The following HMX1 variants were observed in gnomAD, a reference collection of about 807,000 sequenced individuals.
HMX1 encodes the protein H6 family homeobox 1.
A neutral mutation model predicts 8.9 loss-of-function variants in HMX1; 8 were observed. The observed-to-expected ratio is 0.90, with a 90% CI of 0.53 to 1.63. The LOEUF is 1.63. Among genes scored for constraint, HMX1 ranks in the 40% most tolerant of loss-of-function variants. HMX1 has a pLI of 0.00. For missense variants in HMX1, 621 were observed against 558.5 expected (o/e 1.11, Z -1.13); for synonymous variants, 311 against 283.4 (o/e 1.10, Z -0.98).
intron 1 of HMX1, among the ~76,000 whole-genome samples, chr4:8,857,773 C>T (rs916101374): frequency 2.6e-5 from 4 of 152,160 alleles, no homozygotes; most frequent in Admixed American, 6.5e-5. Flanking sequence ...ACTCGAGGTC[C>T]TTGAGGATCC....
Position 8,868,415 on chromosome 4 carries a change from C to T in HMX1, c.395-70G>A, listed in dbSNP as rs1012547787. The T allele has an allele frequency of 1.0e-5, 12 of 1,164,492 alleles. No homozygotes were observed. The highest frequency in any genetic ancestry group is 8.6e-5 in the Admixed American group (2 of 23,322). 72.1% of individuals were successfully genotyped at this position (1,164,492 alleles called of 1,614,324 possible). ...TACCAGACTCAATCACTGAGGCCAG[C>T]CGTCCCCACCTTGAGGTCGCTCACA... On this transcript the variant is annotated intron_variant, in intron 1 of 1. Transcript: ENST00000400677. This position sits in a 1 kb window ranked among gnomAD's most constrained non-coding sequence, Gnocchi z 4.6.
Position 8,871,452 on chromosome 4 carries a change from C to A in HMX1, c.163G>T (p.Glu55Ter). 1.5e-6 allele frequency: 2 copies of A among 1,339,924 alleles called. No homozygotes were observed. The highest frequency in any genetic ancestry group is 1.5e-5 in the South Asian group (1 of 64,636). The allele number at this position is 1,339,924 out of a possible 1,614,324, so 83.0% of individuals were successfully genotyped here. A position where few individuals can be genotyped will look rare whatever the true frequency, so the allele number is the denominator to read the frequency against. ...CGCCGCCGCGCCTGCTCGGCGTCCT[C>A]GTCTTCGGGGTCGTCGTCGTCCTCC... ...EEEDDDDPED[E>*]DAEQARRRRL... The change falls in exon 1 of 2, where the codon GAG (glutamate) becomes TAG (stop). Residue 55 changes from glutamate to a stop codon, truncating the protein, a stop_gained. Transcript: ENST00000400677. LOFTEE classifies it high-confidence loss of function. The surrounding 1 kb of genome is among the most constrained non-coding windows in gnomAD (Gnocchi z 4.8).
chr4:8,871,443 C>A lies in HMX1; in HGVS notation c.172G>T (p.Glu58Ter). The A allele has an allele frequency of 7.5e-7, 1 of 1,331,196 alleles. No individual in the cohort carries two copies. The highest frequency in any genetic ancestry group is 9.7e-7 in the Non-Finnish European group (1 of 1,027,642). 82.5% of individuals were successfully genotyped at this position (1,331,196 alleles called of 1,614,324 possible). Residue 58 changes from glutamate (E) to a stop codon, truncating the protein, a stop_gained, in exon 1 of 2, where the codon GAG (glutamate) becomes TAG (stop). Transcript: ENST00000400677. LOFTEE classifies it high-confidence loss of function. This position sits in a 1 kb window ranked among gnomAD's most constrained non-coding sequence, Gnocchi z 4.8. ...TGTAGCCGTCGCCGCCGCGCCTGCT[C>A]GGCGTCCTCGTCTTCGGGGTCGTCG... ...DDDDPEDEDA[E>*]QARRRRLQRR... is the part of the protein sequence containing the mutation.
chr4:8,865,645 C>T (rs1307515237), downstream of HMX1, among the ~76,000 whole-genome samples: 3 of 152,066 alleles, frequency 2.0e-5, no homozygotes, highest in Non-Finnish European at 2.9e-5. Context: ...TCTAGAGGGC[C>T]CAGTGGGGAG....
In HMX1 at chr4:8,871,712, C is replaced by T. The variant is rs921420619; in HGVS notation, c.-98G>A. The T allele has an allele frequency of 6.0e-5, 65 of 1,088,796 alleles. No homozygotes were observed. Among genetic ancestry groups the T allele is most frequent in the African/African-American group, 5.9e-4 (35 of 59,280 alleles). The allele number at this position is 1,088,796 out of a possible 1,614,324, so 67.4% of individuals were successfully genotyped here. ...GCGCACGCGCGGGCCGGCCCTGGAG[C>T]TGCTACCCGGACCGCTGGCGTCGGG... On this transcript the variant is annotated 5_prime_UTR_variant, in exon 1 of 2. Transcript: ENST00000400677. This position sits in a 1 kb window ranked among gnomAD's most constrained non-coding sequence, Gnocchi z 4.8.
At chr4:8,851,961 A>G (rs1042411824) in intron 1 of HMX1, among the ~76,000 whole-genome samples, 1 of 152,190 alleles carries the variant, frequency 6.6e-6, no homozygotes, top group Non-Finnish European at 1.5e-5. Flanking sequence ...GTCCTGTGTC[A>G]AGGAGGCACC....
downstream of HMX1, among the ~76,000 whole-genome samples, chr4:8,863,630 C>T (rs1041550202): frequency 1.0e-4 from 15 of 149,584 alleles, no homozygotes; most frequent in African/African-American, 3.6e-4. Context: ...GGGTGGAGCG[C>T]GCGGGGGAAT....
rs1721360766 is a variant in HMX1, at chr4:8,849,049, C to A, written c.395-2725G>T. Among the ~76,000 whole-genome samples, 1 of 152,106 alleles carries A rather than the reference C, an allele frequency of 6.6e-6. No individual in the cohort carries two copies. Among genetic ancestry groups the A allele is most frequent in the Admixed American group, 6.5e-5 (1 of 15,280 alleles). ...TGGAGACCCGGCTGAGGGGGGTGGG[C>A]CTCCTCCCCCTGCCCGCTGCTCCAT... On this transcript the variant is annotated intron_variant, in intron 1 of 1. Transcript: ENST00000506970. This position sits in a 1 kb window ranked among gnomAD's most constrained non-coding sequence, Gnocchi z 6.6.
downstream of HMX1, among the ~76,000 whole-genome samples, chr4:8,865,590 G>A (rs1209579230): frequency 6.6e-6 from 1 of 152,086 alleles, no homozygotes; most frequent in African/African-American, 2.4e-5. Context: ...AGCGACAGAA[G>A]CCCAGAGGGC....
downstream of HMX1, among the ~76,000 whole-genome samples, chr4:8,866,499 A>G (rs138683977): frequency 0.038 from 5,780 of 152,238 alleles, 364 homozygotes; most frequent in African/African-American, 0.13. Flanking sequence ...AGAATAGGGG[A>G]ACGAGCTCTC....
At position 8,847,788 on chromosome 4, in the gene HMX1, C is replaced by T. The variant is rs1385842592; in HGVS notation, c.395-1464G>A. ...TGGTACTCTGTAATTGCTTTCTGGA[C>T]ACAAGAATAAAGAAACAGGATTCAG... is the stretch of plus-strand genomic sequence containing the variant. On this transcript the variant is annotated intron_variant, in intron 1 of 1. Coordinates refer to the HMX1 transcript ENST00000506970. This position sits in a 1 kb window ranked among gnomAD's most constrained non-coding sequence, Gnocchi z 6.0. Among the ~76,000 whole-genome samples, 1 of 152,090 alleles carries T rather than the reference C, an allele frequency of 6.6e-6. No homozygotes were observed. The highest frequency in any genetic ancestry group is 1.5e-5 in the Non-Finnish European group (1 of 68,010).
At chr4:8,869,811 C>G (rs561222017) in intron 1 of HMX1, among the ~76,000 whole-genome samples, 1 of 152,146 alleles carries the variant, frequency 6.6e-6, no homozygotes, top group Non-Finnish European at 1.5e-5. Flanking sequence ...CCGCATGGCA[C>G]GAAATAAGGG....
chr4:8,850,496 G>C (rs1334479073), intron 1 of HMX1, among the ~76,000 whole-genome samples: 1 of 152,004 alleles, frequency 6.6e-6, no homozygotes, highest in Non-Finnish European at 1.5e-5. Context: ...GGGGCAGACT[G>C]CGCCCTCCTC....
At chr4:8,856,032 A>T (rs1157961971) in intron 1 of HMX1, among the ~76,000 whole-genome samples, 2 of 152,306 alleles carry the variant, frequency 1.3e-5, no homozygotes, top group Admixed American at 1.3e-4. Flanking sequence ...ACCAAGGGGG[A>T]AAAGGCCACT....
At chr4:8,852,431 C>A (rs1721482027) in intron 1 of HMX1, among the ~76,000 whole-genome samples, 1 of 152,200 alleles carries the variant, frequency 6.6e-6, no homozygotes, top group Non-Finnish European at 1.5e-5. Context: ...AGGTCGGAAG[C>A]CTTGGACAAA....
Position 8,868,364 on chromosome 4 carries a change from A to C in HMX1, c.395-19T>G. 7.4e-7 allele frequency: 1 copy of C among 1,352,720 alleles called. No individual in the cohort carries two copies. The highest frequency in any genetic ancestry group is 9.4e-7 in the Non-Finnish European group (1 of 1,058,860). 83.8% of individuals were successfully genotyped at this position (1,352,720 alleles called of 1,614,324 possible). ...TCGCTGGCTGCAGGGGAGAGAGGGC[A>C]CCACCGTTGGTTCTAGGGCACTGAT... On this transcript the variant is annotated intron_variant, in intron 1 of 1. Coordinates refer to ENST00000400677, the MANE Select transcript of HMX1 (RefSeq NM_018942.3). The surrounding 1 kb of genome is among the most constrained non-coding windows in gnomAD (Gnocchi z 4.6).
intron 1 of HMX1, among the ~76,000 whole-genome samples, chr4:8,858,033 G>A (rs1339219917): frequency 3.3e-5 from 5 of 152,004 alleles, no homozygotes; most frequent in Non-Finnish European, 5.9e-5. Flanking sequence ...AAGCCATTAG[G>A]GCTAATGCGA....
intron 1 of HMX1, among the ~76,000 whole-genome samples, chr4:8,858,153 T>C (rs571208518): frequency 6.6e-6 from 1 of 151,444 alleles, no homozygotes; most frequent in East Asian, 2.0e-4. Context: ...TTGGGGGAAA[T>C]GGATTTTCGC....
At chr4:8,852,031 G>A (rs990281118) in intron 1 of HMX1, among the ~76,000 whole-genome samples, 7 of 152,262 alleles carry the variant, frequency 4.6e-5, no homozygotes, top group African/African-American at 1.7e-4. Flanking sequence ...CTCGTCCCTA[G>A]ACACTGCAGT....
Sources: gnomAD v4.1 joint callset for allele counts (sites outside exome capture counted in the v4.1 genomes callset) on GRCh38, gnomAD v4.1.1 for gene constraint, Gnocchi (gnomAD v3.1) non-coding constraint, MANE v1.5 for transcripts, NCBI Gene and HGNC (gene_info 2026-07-23, HGNC 2026-07-21) for gene names.